CELF2: variants seen among roughly 807,000 people sequenced by gnomAD.
The protein encoded by CELF2 is CUGBP Elav-like family member 2.
In CELF2, 8 loss-of-function variants were observed where a neutral mutation model predicts 62.6. The ratio of observed to expected loss-of-function variants is 0.13; its 90% CI spans 0.07 to 0.23. CELF2 has a LOEUF of 0.23. Ranked by LOEUF, CELF2 falls within the 10% of genes least tolerant of loss-of-function variation. The probability of loss-of-function intolerance (pLI) is 1.00; values close to 1 mark genes in which losing one functional copy is unlikely to be tolerated. For missense variants in CELF2, 333 were observed against 671.0 expected, an observed-to-expected ratio of 0.50 and a Z score of 5.56; for synonymous variants, 258 against 250.0, an observed-to-expected ratio of 1.03 and a Z score of -0.30.
the CELF2 span, among the ~76,000 whole-genome samples, chr10:10,727,125 C>T: frequency 2.1e-4 from 32 of 152,154 alleles, no homozygotes; most frequent in African/African-American, 7.2e-5. Context: ...GGCCAGGCCC[C>T]GCTTCCAATA....
intron 1 of CELF2, among the ~76,000 whole-genome samples, chr10:10,803,866 A>T (rs571596398): frequency 6.6e-6 from 1 of 152,296 alleles, no homozygotes; most frequent in East Asian, 1.9e-4. Flanking sequence ...TGTCTCTCTT[A>T]TCCTACTTTA....
the CELF2 span, among the ~76,000 whole-genome samples, chr10:10,676,703 T>C: frequency 6.6e-6 from 1 of 152,198 alleles, no homozygotes; most frequent in Non-Finnish European, 1.5e-5. Context: ...GGTTCTGATT[T>C]TTTTTGTGTC....
chr10:10,907,126 C>G (rs888116912), intron 1 of CELF2, among the ~76,000 whole-genome samples: 2 of 152,154 alleles, frequency 1.3e-5, no homozygotes, highest in Admixed American at 1.3e-4. Flanking sequence ...CACACACACA[C>G]ACATGCATGC....
Position 10,995,800 on chromosome 10 carries a change from G to A in CELF2, c.89+75801G>A, listed in dbSNP as rs1426862134. On this transcript the variant is annotated intron_variant, in intron 2 of 13. Coordinates refer to the CELF2 transcript ENST00000636488. This position sits in a 1 kb window ranked among gnomAD's most constrained non-coding sequence, Gnocchi z 4.7. ...TCAACTAACGTAGTAGAGATGGGAG[G>A]AAGTGGTTGGGAAAGTGTTGTTCAA... Among the ~76,000 whole-genome samples the A allele has an allele frequency of 1.3e-5, 2 of 152,188 alleles. No homozygotes were observed. Among genetic ancestry groups the A allele is most frequent in the Non-Finnish European group, 2.9e-5 (2 of 68,024 alleles).
chr10:10,616,761 T>C, the CELF2 span, among the ~76,000 whole-genome samples: 1 of 150,550 alleles, frequency 6.6e-6, no homozygotes, highest in Non-Finnish European at 1.5e-5. Flanking sequence ...ATTCTGTCAC[T>C]CAGGCTGGAG....
At chr10:10,917,857 GA>G (rs1275092036) in intron 1 of CELF2, 3 of 152,166 alleles carry the variant, frequency 2.0e-5, no homozygotes, top group Non-Finnish European at 4.4e-5. Context: ...TCAAGTTTGA[GA>G]AATGCTCCAC....
At chr10:10,769,742 C>T in the CELF2 span, among the ~76,000 whole-genome samples, 6 of 151,878 alleles carry the variant, frequency 4.0e-5, no homozygotes, top group Admixed American at 2.0e-4. Context: ...CCAGCCTGGG[C>T]GACAGAGCAA....
chr10:10,901,114 A>G (rs2062908505), intron 1 of CELF2, among the ~76,000 whole-genome samples: 1 of 152,226 alleles, frequency 6.6e-6, no homozygotes, highest in South Asian at 2.1e-4. Flanking sequence ...CCCAAAAGGG[A>G]TCTGTATATT....
the CELF2 span, among the ~76,000 whole-genome samples, chr10:10,691,008 T>A: frequency 6.6e-6 from 1 of 151,854 alleles, no homozygotes; most frequent in Admixed American, 6.6e-5. Flanking sequence ...TTATGGTGAT[T>A]TTTTTTTATT....
chr10:10,975,763 G>A (rs1023351257), intron 2 of CELF2, among the ~76,000 whole-genome samples: 3 of 152,222 alleles, frequency 2.0e-5, no homozygotes, highest in African/African-American at 7.2e-5. Context: ...CTTAACCCAG[G>A]CGGGTTCTTG....
At chr10:10,767,988 T>A in the CELF2 span, among the ~76,000 whole-genome samples, 2 of 59,258 alleles carry the variant, frequency 3.4e-5, no homozygotes, top group African/African-American at 8.6e-5. Flanking sequence ...AGAGCGAGAC[T>A]CCGTCTCAAA....
At chr10:11,069,234 A>G (rs2069033466) in intron 1 of CELF2, among the ~76,000 whole-genome samples, 1 of 152,228 alleles carries the variant, frequency 6.6e-6, no homozygotes, top group Non-Finnish European at 1.5e-5. Context: ...CTCTGGTTGA[A>G]CAGAGTTTAG....
chr10:11,333,221 C>CG lies in CELF2; in HGVS notation c.*4168_*4169insG, dbSNP rs1476580440. 3 of 346 alleles carry CG rather than the reference C, an allele frequency of 8.7e-3. No individual in the cohort carries two copies. The highest frequency in any genetic ancestry group is 0.06 in the African/African-American group (3 of 50). 0.0% of individuals were successfully genotyped at this position (346 alleles called of 1,614,324 possible). ...CAAGAGAGGACATGAGGGGGAAAGT[C>CG]CTTTTTGCCCTTCTCCAAAAAATAA... is the stretch of plus-strand genomic sequence containing the variant. On this transcript the variant is annotated 3_prime_UTR_variant, in exon 13 of 13. Coordinates refer to ENST00000633077, the MANE Select transcript of CELF2 (RefSeq NM_001326342.2).
chr10:10,471,722 G>A, the CELF2 span, among the ~76,000 whole-genome samples: 67 of 151,780 alleles, frequency 4.4e-4, 1 homozygote, highest in African/African-American at 1.4e-3. Flanking sequence ...AAAAAAATAT[G>A]TTGATATAGC....
chr10:10,781,519 G>C, the CELF2 span, among the ~76,000 whole-genome samples: 13 of 152,162 alleles, frequency 8.5e-5, no homozygotes, highest in Non-Finnish European at 1.9e-4. Context: ...GTGTGCAGGG[G>C]AACTGCCCTT....
chr10:10,715,794 T>A, the CELF2 span, among the ~76,000 whole-genome samples: 1 of 152,210 alleles, frequency 6.6e-6, no homozygotes, highest in Non-Finnish European at 1.5e-5. Context: ...CTGGGAAGCA[T>A]AAATAGCTAT....
the CELF2 span, among the ~76,000 whole-genome samples, chr10:10,735,434 T>G: frequency 6.6e-6 from 1 of 152,196 alleles, no homozygotes; most frequent in African/African-American, 2.4e-5. Context: ...CTAAATTAAG[T>G]TTTTATTAAT....
the CELF2 span, among the ~76,000 whole-genome samples, chr10:10,673,120 T>C: frequency 6.6e-6 from 1 of 152,160 alleles, no homozygotes; most frequent in Non-Finnish European, 1.5e-5. Flanking sequence ...ATGACTCCTC[T>C]ATATTCACTT....
intron 1 of CELF2, among the ~76,000 whole-genome samples, chr10:11,079,441 T>A (rs1167588041): frequency 6.6e-6 from 1 of 152,178 alleles, no homozygotes; most frequent in Non-Finnish European, 1.5e-5. Context: ...ATTGTAATAA[T>A]ACCCATGAGT....
Sources: allele counts gnomAD v4.1 joint callset (sites outside exome capture counted in the v4.1 genomes callset), GRCh38; gene constraint gnomAD v4.1.1; non-coding constraint Gnocchi (gnomAD v3.1); transcripts MANE v1.5; gene names NCBI Gene and HGNC (gene_info 2026-07-23, HGNC 2026-07-21).